TARP: variants seen among roughly 807,000 people sequenced by gnomAD.
the TARP span, chr7:38,265,387 C>A: frequency 6.2e-7 from 1 of 1,612,080 alleles, no homozygotes; most frequent in Non-Finnish European, 8.5e-7. Flanking sequence ...TTGATCAACT[C>A]CGTTTTTATT....
chr7:38,267,265 G>A, the TARP span, among the ~76,000 whole-genome samples: 1 of 151,836 alleles, frequency 6.6e-6, no homozygotes, highest in Non-Finnish European at 1.5e-5. Context: ...TATAGGGATA[G>A]GGTCAAGATA....
chr7:38,266,827 A>G, the TARP span, among the ~76,000 whole-genome samples: 1 of 151,786 alleles, frequency 6.6e-6, no homozygotes, highest in Non-Finnish European at 1.5e-5. Context: ...ATTATTCACC[A>G]TCTCCTGAAT....
the TARP span, among the ~76,000 whole-genome samples, chr7:38,267,581 T>C: frequency 6.6e-6 from 1 of 150,928 alleles, no homozygotes; most frequent in East Asian, 1.9e-4. Context: ...GAAATATTAA[T>C]TTGTGAGCAT....
the TARP span, among the ~76,000 whole-genome samples, chr7:38,270,873 C>T: frequency 6.6e-6 from 1 of 151,126 alleles, no homozygotes; most frequent in Non-Finnish European, 1.5e-5. Flanking sequence ...CCCACTCTTC[C>T]ATTTCCTTCT....
the TARP span, among the ~76,000 whole-genome samples, chr7:38,263,985 A>T: frequency 2.6e-5 from 4 of 151,982 alleles, no homozygotes; most frequent in Non-Finnish European, 5.9e-5. Flanking sequence ...GATAAATGAA[A>T]ATGACTATCA....
At chr7:38,267,027 C>T in the TARP span, among the ~76,000 whole-genome samples, 1 of 151,678 alleles carries the variant, frequency 6.6e-6, no homozygotes, top group South Asian at 2.1e-4. Context: ...TAAGAATGCA[C>T]CAGGGGTGTA....
the TARP span, chr7:38,262,114 A>G: frequency 4.8e-6 from 7 of 1,458,828 alleles, no homozygotes; most frequent in Admixed American, 1.7e-5. Flanking sequence ...TGATTTTTCA[A>G]GCCAGAGAAG....
chr7:38,262,371 T>A, the TARP span, among the ~76,000 whole-genome samples: 1 of 151,758 alleles, frequency 6.6e-6, no homozygotes, highest in East Asian at 1.9e-4. Flanking sequence ...TTCTGTGTAA[T>A]TAGGTAGATC....
the TARP span, among the ~76,000 whole-genome samples, chr7:38,269,838 G>A: frequency 6.6e-6 from 1 of 152,058 alleles, no homozygotes; most frequent in Non-Finnish European, 1.5e-5. Context: ...AGTGGTTTGT[G>A]CCTATAATTC....
the TARP span, chr7:38,262,122 A>T: frequency 6.6e-7 from 1 of 1,505,344 alleles, no homozygotes; most frequent in Non-Finnish European, 9.2e-7. Flanking sequence ...CAAGCCAGAG[A>T]AGTTCAAAAC....
the TARP span, among the ~76,000 whole-genome samples, chr7:38,264,849 C>T: frequency 2.0e-5 from 3 of 151,776 alleles, no homozygotes; most frequent in Admixed American, 2.0e-4. Flanking sequence ...ATTCTGTCAA[C>T]AACAGATAAA....
the TARP span, among the ~76,000 whole-genome samples, chr7:38,262,734 G>A: frequency 6.6e-6 from 1 of 151,476 alleles, no homozygotes; most frequent in Admixed American, 6.6e-5. Flanking sequence ...GCTCACTGAA[G>A]CCTCAAACTC....
the TARP span, among the ~76,000 whole-genome samples, chr7:38,262,811 C>T: frequency 6.6e-6 from 1 of 151,016 alleles, no homozygotes; most frequent in Non-Finnish European, 1.5e-5. Flanking sequence ...CATGTCAGCA[C>T]TCACTCCGAG....
the TARP span, among the ~76,000 whole-genome samples, chr7:38,267,934 C>T: frequency 6.6e-6 from 1 of 151,454 alleles, no homozygotes; most frequent in Non-Finnish European, 1.5e-5. Context: ...TTCATTGCCT[C>T]TTGTCCCCTT....
At chr7:38,272,585 G>C in the TARP span, among the ~76,000 whole-genome samples, 1 of 147,440 alleles carries the variant, frequency 6.8e-6, no homozygotes, top group East Asian at 2.0e-4. Flanking sequence ...ATAATGTGAT[G>C]AGGGTCAATA....
chr7:38,265,550 T>C, the TARP span: 7 of 1,612,188 alleles, frequency 4.3e-6, no homozygotes, highest in South Asian at 1.1e-5. Flanking sequence ...TGCCAATGTA[T>C]CTTAATAACA....
the TARP span, among the ~76,000 whole-genome samples, chr7:38,264,935 C>G: frequency 3.3e-5 from 5 of 151,564 alleles, no homozygotes; most frequent in Non-Finnish European, 5.9e-5. Flanking sequence ...GAGTGACTCT[C>G]CTGCTTGGGC....
the TARP span, among the ~76,000 whole-genome samples, chr7:38,268,294 A>G: frequency 6.6e-6 from 1 of 151,424 alleles, no homozygotes; most frequent in African/African-American, 2.4e-5. Context: ...AAATTGCCTA[A>G]GTTGTTTGTA....
the TARP span, among the ~76,000 whole-genome samples, chr7:38,272,431 T>C: frequency 6.9e-6 from 1 of 145,882 alleles, no homozygotes; most frequent in Admixed American, 7.2e-5. Context: ...TGAAAAATAT[T>C]AAGGACATTT....
Sources: gnomAD v4.1 joint callset for allele counts (sites outside exome capture counted in the v4.1 genomes callset) on GRCh38, gnomAD v4.1.1 for gene constraint, MANE v1.5 for transcripts.